The following NTM variants were observed in gnomAD, a reference collection of about 807,000 sequenced individuals.
NTM encodes IgLON family member 2.
A neutral mutation model predicts 42.1 loss-of-function variants in NTM; 13 were observed. The ratio of observed to expected loss-of-function variants is 0.31; its 90% CI spans 0.20 to 0.49. The LOEUF (loss-of-function observed/expected upper bound fraction) is 0.49. Among genes scored for constraint, NTM ranks in the 20% least tolerant of loss-of-function variants. NTM has a pLI of 0.99. For missense variants in NTM, 373 were observed against 452.8 expected (o/e 0.82, Z 1.60); for synonymous variants, 187 against 179.2 (o/e 1.04, Z -0.35).
intron 1 of NTM, among the ~76,000 whole-genome samples, chr11:131,766,402 G>A (rs891650089): frequency 2.6e-5 from 4 of 152,154 alleles, no homozygotes; most frequent in Non-Finnish European, 5.9e-5. Context: ...CAGGTGCAGA[G>A]GGCGATGCGA....
intron 1 of NTM, among the ~76,000 whole-genome samples, chr11:131,458,378 G>A (rs1415100433): frequency 6.6e-6 from 1 of 152,180 alleles, no homozygotes; most frequent in African/African-American, 2.4e-5. Context: ...GGAGGGGAAA[G>A]CCCATAGTCG....
intron 2 of NTM, among the ~76,000 whole-genome samples, chr11:131,961,395 C>T (rs1369839813): frequency 6.6e-6 from 1 of 152,172 alleles, no homozygotes; most frequent in Non-Finnish European, 1.5e-5. Context: ...TATTCCAAAG[C>T]TTGGTGATAC....
chr11:132,229,289 G>A (rs557038092), intron 4 of NTM, among the ~76,000 whole-genome samples: 4 of 152,166 alleles, frequency 2.6e-5, no homozygotes, highest in African/African-American at 4.8e-5. Flanking sequence ...CGCAGAGCAC[G>A]CACTTAGACC....
chr11:132,163,557 C>A (rs181475149), intron 3 of NTM, among the ~76,000 whole-genome samples: 3 of 152,190 alleles, frequency 2.0e-5, no homozygotes, highest in African/African-American at 4.8e-5. Flanking sequence ...AATGAGGAGA[C>A]CAACTAACCC....
intron 1 of NTM, among the ~76,000 whole-genome samples, chr11:131,874,938 A>C (rs971066555): frequency 1.3e-5 from 2 of 152,208 alleles, no homozygotes; most frequent in Non-Finnish European, 2.9e-5. Context: ...TATGTAAAGA[A>C]CAAACTCAGG....
intron 2 of NTM, among the ~76,000 whole-genome samples, chr11:131,948,381 C>CA (rs1172904124): frequency 1.0e-4 from 5 of 47,758 alleles, no homozygotes; most frequent in South Asian, 7.0e-4. Context: ...AACAAAAAAA[C>CA]AAAAAAACAA....
At position 132,099,114 on chromosome 11, in the gene NTM, A is replaced by G. The variant is rs151034912; in HGVS notation, c.168-47168A>G. Among the ~76,000 whole-genome samples, 611 of 143,140 alleles carry G rather than the reference A, an allele frequency of 4.3e-3. 3 individuals carry two copies. The highest frequency in any genetic ancestry group is 5.3e-3 in the Non-Finnish European group (350 of 65,492). The allele number at this position is 143,140 out of a possible 152,430, so 93.9% of individuals were successfully genotyped here. A position where few individuals can be genotyped will look rare whatever the true frequency, so the allele number is the denominator to read the frequency against. On this transcript the variant is annotated intron_variant, in intron 2 of 8. Transcript: ENST00000683400. ...ATCATGTCTTAATTAACTCAGTGTTATCAAAACTGAAATTGTAGCAACACC... is the reference window on the plus strand; with the variant it reads ...ATCATGTCTTAATTAACTCAGTGTTGTCAAAACTGAAATTGTAGCAACACC...
intron 2 of NTM, among the ~76,000 whole-genome samples, chr11:131,998,165 A>C (rs1199728406): frequency 6.6e-6 from 1 of 152,160 alleles, no homozygotes; most frequent in Non-Finnish European, 1.5e-5. Context: ...AAGTCCTGAC[A>C]GGAGTCATAA....
intron 2 of NTM, among the ~76,000 whole-genome samples, chr11:131,934,943 C>T (rs940923740): frequency 3.9e-5 from 6 of 152,234 alleles, no homozygotes; most frequent in South Asian, 2.1e-4. Context: ...TGACATGCTC[C>T]GAGCCTCTGG....
At chr11:131,419,420 T>C (rs1014958396) in intron 1 of NTM, among the ~76,000 whole-genome samples, 1 of 152,112 alleles carries the variant, frequency 6.6e-6, no homozygotes, top group Non-Finnish European at 1.5e-5. Flanking sequence ...ATAGGTAGAA[T>C]GATCCAGAGA....
At chr11:131,881,262 G>A (rs2049427689) in intron 1 of NTM, among the ~76,000 whole-genome samples, 1 of 152,106 alleles carries the variant, frequency 6.6e-6, no homozygotes, top group Non-Finnish European at 1.5e-5. Flanking sequence ...AAGACAATAA[G>A]GACATAGGCA....
intron 2 of NTM, among the ~76,000 whole-genome samples, chr11:131,947,320 A>G (rs2060453187): frequency 6.6e-6 from 1 of 152,084 alleles, no homozygotes; most frequent in South Asian, 2.1e-4. Context: ...ACCTGATGCT[A>G]CTTATCCTCT....
At chr11:131,389,083 A>G in intron 1 of NTM, among the ~76,000 whole-genome samples, 1 of 151,652 alleles carries the variant, frequency 6.6e-6, no homozygotes, top group Admixed American at 6.6e-5. Flanking sequence ...AGTAGCCTAT[A>G]TGCCAGCAAG....
intron 4 of NTM, among the ~76,000 whole-genome samples, chr11:132,297,731 G>A (rs1312412400): frequency 6.6e-6 from 1 of 152,032 alleles, no homozygotes; most frequent in Non-Finnish European, 1.5e-5. Flanking sequence ...CATGTGAGTT[G>A]ACATGGATTT....
intron 1 of NTM, among the ~76,000 whole-genome samples, chr11:131,701,363 C>G (rs1163972153): frequency 1.3e-5 from 2 of 152,150 alleles, no homozygotes; most frequent in African/African-American, 4.8e-5. Flanking sequence ...CCTATGAGGA[C>G]AGTATATGTT....
chr11:131,891,046 C>A (rs114058443), intron 1 of NTM, among the ~76,000 whole-genome samples: 1,569 of 152,280 alleles, frequency 0.01, 29 homozygotes, highest in African/African-American at 0.036. Context: ...CTCATTTCCT[C>A]ATCTACAACA....
intron 1 of NTM, among the ~76,000 whole-genome samples, chr11:131,532,551 TC>T (rs1289969854): frequency 4.4e-4 from 67 of 152,328 alleles, no homozygotes; most frequent in Middle Eastern, 3.4e-3. Flanking sequence ...TCTGTTCAAG[TC>T]CCTGCTTTCT....
At chr11:132,276,928 A>G (rs1288992890) in intron 4 of NTM, among the ~76,000 whole-genome samples, 4 of 152,190 alleles carry the variant, frequency 2.6e-5, no homozygotes, top group African/African-American at 9.6e-5. Context: ...GGGACTCCTG[A>G]CAGATAGTTG....
chr11:132,019,499 G>T (rs2073993948), intron 2 of NTM, among the ~76,000 whole-genome samples: 1 of 151,752 alleles, frequency 6.6e-6, no homozygotes, highest in African/African-American at 2.4e-5. Flanking sequence ...GTGCTTTTAG[G>T]TATGCATACC....
Sources: allele counts gnomAD v4.1 joint callset (sites outside exome capture counted in the v4.1 genomes callset), GRCh38; gene constraint gnomAD v4.1.1; transcripts MANE v1.5; gene names NCBI Gene and HGNC (gene_info 2026-07-23, HGNC 2026-07-21).